Variants in CLEC16A observed in about 807,000 individuals in gnomAD.
CLEC16A encodes the protein protein CLEC16A.
Under a neutral mutation model 109.5 loss-of-function variants are expected in CLEC16A, and 51 were observed. The observed-to-expected ratio is 0.47, with a 90% CI of 0.37 to 0.59. CLEC16A has a LOEUF of 0.59. CLEC16A is among the 20% of genes least tolerant of loss of function. The pLI is 0.00. For missense variants in CLEC16A, 1,339 were observed against 1,394.0 expected, an observed-to-expected ratio of 0.96 and a Z score of 0.63; for synonymous variants, 673 against 564.2, an observed-to-expected ratio of 1.19 and a Z score of -2.73.
rs888207544 is a variant in CLEC16A at position 11,020,398 on chromosome 16, C to T, written c.1436+73C>T. On this transcript the variant is annotated intron_variant, in intron 12 of 23. Transcript: ENST00000409790. ...GAGGGCTCAGTGGGGAGGTTGAGCC[C>T]TAGGGCCAGAGCCTCTTCTGTCCCT... is the stretch of plus-strand genomic sequence containing the variant. 13 of 1,480,518 alleles carry T rather than the reference C, an allele frequency of 8.8e-6. No individual in the cohort carries two copies. The African/African-American group carries it at 1.5e-4, about 18-fold the overall frequency. The allele number at this position is 1,480,518 out of a possible 1,614,324, so 91.7% of individuals were successfully genotyped here. A position where few individuals can be genotyped will look rare whatever the true frequency, so the allele number is the denominator to read the frequency against.
At chr16:11,076,403 C>T (rs975525257) in intron 19 of CLEC16A, among the ~76,000 whole-genome samples, 1 of 152,078 alleles carries the variant, frequency 6.6e-6, no homozygotes, top group African/African-American at 2.4e-5. Flanking sequence ...CCACAGAAAA[C>T]AGGAATTCAT....
chr16:11,077,026 G>A (rs1403594691), intron 19 of CLEC16A, among the ~76,000 whole-genome samples: 1 of 152,196 alleles, frequency 6.6e-6, no homozygotes, highest in Non-Finnish European at 1.5e-5. Context: ...AAATCACAAG[G>A]ACTGATCATT....
At chr16:11,004,224 G>T (rs187089880) in intron 11 of CLEC16A, among the ~76,000 whole-genome samples, 216 of 152,212 alleles carry the variant, frequency 1.4e-3, no homozygotes, top group African/African-American at 4.9e-3. Flanking sequence ...ATTTACTCTT[G>T]GGATTAAGCA....
intron 13 of CLEC16A, among the ~76,000 whole-genome samples, chr16:11,033,186 AGAT>A (rs1199182655): frequency 6.6e-6 from 1 of 152,180 alleles, no homozygotes; most frequent in Non-Finnish European, 1.5e-5. Flanking sequence ...GGGACGAGTC[AGAT>A]GACTCCTGTG....
chr16:11,008,024 T>TA (rs1262084855), intron 11 of CLEC16A, among the ~76,000 whole-genome samples: 3 of 151,794 alleles, frequency 2.0e-5, no homozygotes, highest in South Asian at 2.1e-4. Context: ...TAGAAGATAA[T>TA]AAAAAAACAA....
At chr16:11,007,019 G>GT (rs1478213929) in intron 11 of CLEC16A, among the ~76,000 whole-genome samples, 1 of 152,154 alleles carries the variant, frequency 6.6e-6, no homozygotes, top group African/African-American at 2.4e-5. Flanking sequence ...GTACGTGCTT[G>GT]TTTTTTAGCT....
chr16:10,979,785 TAACA>T (rs1391075909), intron 9 of CLEC16A, among the ~76,000 whole-genome samples: 1 of 152,162 alleles, frequency 6.6e-6, no homozygotes, highest in Non-Finnish European at 1.5e-5. Flanking sequence ...AACCTTGGTG[TAACA>T]AACTTCCTGA....
chr16:11,044,557 A>G (rs1294983998), intron 16 of CLEC16A, among the ~76,000 whole-genome samples: 2 of 152,156 alleles, frequency 1.3e-5, no homozygotes, highest in Non-Finnish European at 2.9e-5. Context: ...GTTTATTGAG[A>G]TTTTGTAAAG....
chr16:11,066,483 G>A (rs868733522), intron 19 of CLEC16A: 1 of 152,464 alleles, frequency 6.6e-6, no homozygotes, highest in Non-Finnish European at 1.5e-5. Context: ...GAAGTTGGTC[G>A]GGCGGCCAGG....
In CLEC16A at chr16:11,180,716, A is replaced by T. The variant is rs199516423; in HGVS notation, c.*2026A>T. 2 of 152,030 alleles carry T rather than the reference A, an allele frequency of 1.3e-5. No homozygotes were observed. The highest frequency in any genetic ancestry group is 4.8e-5 in the African/African-American group (2 of 41,380). The allele number at this position is 152,030 out of a possible 1,614,324, so 9.4% of individuals were successfully genotyped here. On this transcript the variant is annotated 3_prime_UTR_variant, in exon 24 of 24. Transcript: ENST00000409790. ...ACTAGAGAAGGCAAGTGGCTGCCCC[A>T]CCCCAAGGCGTGACCAGGAGGAACA...
At chr16:11,122,082 C>T (rs1484790724) in intron 20 of CLEC16A, among the ~76,000 whole-genome samples, 1 of 114,924 alleles carries the variant, frequency 8.7e-6, no homozygotes, top group Non-Finnish European at 1.8e-5. Context: ...CATTTCTTTG[C>T]CAGCCAGCCC....
At chr16:11,145,226 C>T (rs749707949) in intron 22 of CLEC16A, among the ~76,000 whole-genome samples, 1 of 152,170 alleles carries the variant, frequency 6.6e-6, no homozygotes, top group African/African-American at 2.4e-5. Flanking sequence ...CACTCTACTC[C>T]GACCACACAC....
chr16:11,024,488 CTGTT>C (rs2046298262), intron 12 of CLEC16A: 4 of 255,768 alleles, frequency 1.6e-5, no homozygotes, highest in Non-Finnish European at 3.1e-5. Flanking sequence ...GCATTGATGT[CTGTT>C]TGTTCTGTGT....
intron 10 of CLEC16A, among the ~76,000 whole-genome samples, chr16:10,993,023 A>G (rs1248099140): frequency 6.6e-6 from 1 of 152,024 alleles, no homozygotes; most frequent in Non-Finnish European, 1.5e-5. Flanking sequence ...TTGGGTGTAT[A>G]TGGGATCAGG....
intron 11 of CLEC16A, among the ~76,000 whole-genome samples, chr16:11,014,488 A>G (rs1285598047): frequency 1.3e-5 from 2 of 152,254 alleles, no homozygotes; most frequent in Non-Finnish European, 2.9e-5. Context: ...GTTGTAGAGT[A>G]TAACGGTGAT....
chr16:10,983,891 A>C (rs1596879577), intron 10 of CLEC16A, among the ~76,000 whole-genome samples: 1 of 144,948 alleles, frequency 6.9e-6, no homozygotes, highest in Admixed American at 6.8e-5. Context: ...CAGGGATCTC[A>C]CCTGTCACTG....
intron 22 of CLEC16A, among the ~76,000 whole-genome samples, chr16:11,152,329 C>T (rs558704278): frequency 1.3e-5 from 2 of 152,360 alleles, no homozygotes; most frequent in East Asian, 1.9e-4. Context: ...CCTCTGCAGG[C>T]GGGCGGCTGG....
At chr16:10,976,781 T>C (rs1020374779) in intron 7 of CLEC16A, among the ~76,000 whole-genome samples, 2 of 152,188 alleles carry the variant, frequency 1.3e-5, no homozygotes, top group Non-Finnish European at 2.9e-5. Context: ...AGGGGTGTCA[T>C]GTCTTTGCTC....
chr16:11,103,988 A>G (rs2051072325), intron 19 of CLEC16A, among the ~76,000 whole-genome samples: 1 of 152,226 alleles, frequency 6.6e-6, no homozygotes, highest in African/African-American at 2.4e-5. Context: ...CCATTTGACC[A>G]GAAGAGCTCC....
Sources: allele counts gnomAD v4.1 joint callset (sites outside exome capture counted in the v4.1 genomes callset), GRCh38; gene constraint gnomAD v4.1.1; transcripts MANE v1.5; gene names NCBI Gene and HGNC (gene_info 2026-07-23, HGNC 2026-07-21).